RBFOX3: variants seen among roughly 807,000 people sequenced by gnomAD.
RBFOX3 encodes RNA binding fox-1 homolog 3, also known as RNA binding protein fox-1 homolog 3.
A neutral mutation model predicts 48.7 loss-of-function variants in RBFOX3; 17 were observed. That is an observed-to-expected ratio of 0.35 (90% CI 0.24 to 0.52). The LOEUF (loss-of-function observed/expected upper bound fraction) is 0.52. RBFOX3 is among the 20% of genes least tolerant of loss of function. The pLI, the probability that RBFOX3 is intolerant of heterozygous loss-of-function variation, is 0.94. For missense variants in RBFOX3, 382 were observed against 497.5 expected (o/e 0.77, Z 2.21); for synonymous variants, 212 against 209.5 (o/e 1.01, Z -0.10).
chr17:79,166,340 A>G (rs2048009957), intron 4 of RBFOX3, among the ~76,000 whole-genome samples: 1 of 152,196 alleles, frequency 6.6e-6, no homozygotes, highest in African/African-American at 2.4e-5. Flanking sequence ...GGAGCCCGCC[A>G]GGAGCTGTAG....
At chr17:79,165,984 G>A (rs2047919394) in intron 4 of RBFOX3, among the ~76,000 whole-genome samples, 1 of 152,248 alleles carries the variant, frequency 6.6e-6, no homozygotes, top group Admixed American at 6.5e-5. Context: ...ACTGGCCGGG[G>A]AGGGATGTGT....
chr17:79,375,961 T>A (rs2059176400), intron 2 of RBFOX3, among the ~76,000 whole-genome samples: 1 of 152,236 alleles, frequency 6.6e-6, no homozygotes. Flanking sequence ...CCTCACAGTG[T>A]GGAGCAGGGA....
intron 1 of RBFOX3, among the ~76,000 whole-genome samples, chr17:79,518,867 A>G (rs1195964491): frequency 2.0e-5 from 3 of 152,262 alleles, no homozygotes; most frequent in Non-Finnish European, 4.4e-5. Context: ...AAGAGAAACA[A>G]TTTGGAAAAT....
chr17:79,501,706 G>A (rs1047179766), intron 1 of RBFOX3, among the ~76,000 whole-genome samples: 10 of 152,054 alleles, frequency 6.6e-5, no homozygotes, highest in African/African-American at 2.2e-4. Flanking sequence ...CACATGCCCC[G>A]CCTGGAACCC....
intron 2 of RBFOX3, among the ~76,000 whole-genome samples, chr17:79,448,501 G>A (rs1340358873): frequency 6.6e-6 from 1 of 152,186 alleles, no homozygotes; most frequent in Non-Finnish European, 1.5e-5. Flanking sequence ...ACAGAGGCAG[G>A]GACTGCAGCA....
At chr17:79,397,344 T>C (rs973516898) in intron 2 of RBFOX3, among the ~76,000 whole-genome samples, 3 of 151,422 alleles carry the variant, frequency 2.0e-5, no homozygotes, top group African/African-American at 7.3e-5. Flanking sequence ...AAAAAAAAAA[T>C]TAGCTGGGCC....
At chr17:79,528,466 G>A (rs997721943) in intron 1 of RBFOX3, among the ~76,000 whole-genome samples, 1 of 152,088 alleles carries the variant, frequency 6.6e-6, no homozygotes, top group East Asian at 1.9e-4. Flanking sequence ...GTGTCTCTGA[G>A]GAGGATCTTA....
chr17:79,162,788 C>T (rs767456418), intron 4 of RBFOX3, among the ~76,000 whole-genome samples: 4 of 152,048 alleles, frequency 2.6e-5, no homozygotes, highest in East Asian at 1.9e-4. Flanking sequence ...AAGGAGGGGA[C>T]GGCGGAGAGA....
At chr17:79,555,210 T>C (rs1207305835) in intron 1 of RBFOX3, among the ~76,000 whole-genome samples, 1 of 152,362 alleles carries the variant, frequency 6.6e-6, no homozygotes, top group East Asian at 1.9e-4. Flanking sequence ...AGCTATCACA[T>C]ACCCAGCACA....
intron 1 of RBFOX3, among the ~76,000 whole-genome samples, chr17:79,504,303 G>A (rs1486998550): frequency 1.3e-5 from 2 of 152,196 alleles, no homozygotes; most frequent in Admixed American, 6.5e-5. Context: ...GTCAGAGATC[G>A]GCCATGGGAC....
the RBFOX3 span, among the ~76,000 whole-genome samples, chr17:79,620,011 GCACA>G: frequency 7.0e-6 from 1 of 142,328 alleles, no homozygotes. Flanking sequence ...ACATGCACAT[GCACA>G]CACACACGTG....
chr17:79,376,201 G>C (rs2059202996), intron 2 of RBFOX3, among the ~76,000 whole-genome samples: 1 of 152,132 alleles, frequency 6.6e-6, no homozygotes, highest in South Asian at 2.1e-4. Context: ...CCTTCTCCAG[G>C]TTTGTCTCTG....
chr17:79,102,158 CGAGGCCGACAGG>C (rs1351266815), intron 8 of RBFOX3, among the ~76,000 whole-genome samples: 3 of 152,176 alleles, frequency 2.0e-5, no homozygotes, highest in Non-Finnish European at 4.4e-5. Flanking sequence ...CCCTGGAGGA[CGAGGCCGACAGG>C]GAGGGGGGCT....
Position 79,097,852 on chromosome 17 carries a change from C to G in RBFOX3, c.569-107G>C, listed in dbSNP as rs2075677909. ...CACCGGTGGAGCCCTTGGGAACATT[C>G]CCAGGGCGCCTCCCCGCGCCGGGCC... is the stretch of plus-strand genomic sequence containing the variant. On this transcript the variant is annotated intron_variant, in intron 9 of 14. Coordinates refer to ENST00000693108, the MANE Select transcript of RBFOX3 (RefSeq NM_001350451.2). The G allele has an allele frequency of 9.0e-6, 11 of 1,222,386 alleles. No individual in the cohort carries two copies. In the South Asian group the frequency reaches 1.4e-4, roughly 16 times the overall value. 75.7% of individuals were successfully genotyped at this position (1,222,386 alleles called of 1,614,324 possible).
chr17:79,376,985 C>T (rs979489214), intron 2 of RBFOX3, among the ~76,000 whole-genome samples: 5 of 152,168 alleles, frequency 3.3e-5, no homozygotes, highest in African/African-American at 1.2e-4. Context: ...AGGACCAAGG[C>T]TCGCTGCTCC....
chr17:79,381,248 A>C (rs1458954594), intron 2 of RBFOX3, among the ~76,000 whole-genome samples: 1 of 119,728 alleles, frequency 8.4e-6, no homozygotes, highest in East Asian at 2.3e-4. Context: ...TGACAGAGCA[A>C]GACTCTGTCT....
At position 79,388,625 on chromosome 17, in the gene RBFOX3, C is replaced by T. The variant is rs186313144; in HGVS notation, c.-174-80801G>A. The stretch of plus-strand genomic sequence containing the variant: ...CTCCAGGAAGCTCACTGCACAGCTG[C>T]GGGCTGGATCTCGTTCCCACCTGCA... On this transcript the variant is annotated intron_variant, in intron 2 of 14. Transcript: ENST00000693108. Among the ~76,000 whole-genome samples, 1,131 of 152,314 alleles carry T rather than the reference C, an allele frequency of 7.4e-3. 6 individuals are homozygous for T. Among genetic ancestry groups the T allele is most frequent in the Non-Finnish European group, 0.012 (802 of 68,026 alleles).
At chr17:79,381,299 T>C (rs147385858) in intron 2 of RBFOX3, among the ~76,000 whole-genome samples, 183 of 152,112 alleles carry the variant, frequency 1.2e-3, no homozygotes, top group African/African-American at 4.1e-3. Flanking sequence ...GTGAGATTCA[T>C]GTTAATTTTT....
intron 4 of RBFOX3, among the ~76,000 whole-genome samples, chr17:79,137,678 C>T (rs961253635): frequency 6.6e-6 from 1 of 152,080 alleles, no homozygotes; most frequent in African/African-American, 2.4e-5. Flanking sequence ...GGGGAGGAGG[C>T]GGATGGCTTC....
Sources: gnomAD v4.1 joint callset for allele counts (sites outside exome capture counted in the v4.1 genomes callset) on GRCh38, gnomAD v4.1.1 for gene constraint, MANE v1.5 for transcripts, NCBI Gene and HGNC (gene_info 2026-07-23, HGNC 2026-07-21) for gene names.